Variants in PTPRD observed in about 807,000 individuals in gnomAD.
The protein encoded by PTPRD is receptor-type tyrosine-protein phosphatase delta.
A neutral mutation model predicts 214.5 loss-of-function variants in PTPRD; 34 were observed. The observed-to-expected ratio is 0.16, with a 90% CI of 0.12 to 0.21. PTPRD has a LOEUF of 0.21. Among genes scored for constraint, PTPRD ranks in the 10% least tolerant of loss-of-function variants. The pLI is 1.00. For synonymous variants in PTPRD, 1,128 were observed against 845.7 expected (o/e 1.33, Z -5.79); for missense variants, 2,545 against 2,398.7 (o/e 1.06, Z -1.27).
Position 9,567,670 on chromosome 9 carries a change from A to T in PTPRD, c.-237+7062T>A, listed in dbSNP as rs138248072. ...AGATACCACTGGTTGCCTAGCAAAG[A>T]ACCATTTCTCCTTTTCTGCTTCTTA... is the stretch of plus-strand genomic sequence containing the variant. On this transcript the variant is annotated intron_variant, in intron 8 of 45. Transcript: ENST00000381196. 2.5e-3 allele frequency among the ~76,000 whole-genome samples: 380 copies of T among 152,138 alleles called. 1 individual carries two copies. The highest frequency in any genetic ancestry group is 8.6e-3 in the African/African-American group (357 of 41,546).
intron 3 of PTPRD, among the ~76,000 whole-genome samples, chr9:10,307,591 G>C (rs2096123164): frequency 6.6e-6 from 1 of 151,966 alleles, no homozygotes; most frequent in African/African-American, 2.4e-5. Context: ...GCATCATATG[G>C]TAGTTCTATT....
At chr9:8,723,762 G>C (rs192271673) in intron 12 of PTPRD, among the ~76,000 whole-genome samples, 1 of 152,018 alleles carries the variant, frequency 6.6e-6, no homozygotes, top group East Asian at 1.9e-4. Flanking sequence ...TTAAGTATAT[G>C]TTTCTCTATA....
At chr9:8,402,365 A>G (rs2130335566) in intron 36 of PTPRD, among the ~76,000 whole-genome samples, 1 of 152,328 alleles carries the variant, frequency 6.6e-6, no homozygotes, top group Middle Eastern at 3.4e-3. Context: ...ACAAGGAGGT[A>G]TAGTTTTTAT....
chr9:9,717,352 A>G lies in PTPRD; in HGVS notation c.-287+17181T>C, dbSNP rs190412581. The stretch of plus-strand genomic sequence containing the variant: ...AATGCGGGCTCTTTTTTGGTTCCAT[A>G]TGAACTTTAAAGTAGTTTTTTCCAA... On this transcript the variant is annotated intron_variant, in intron 7 of 45. Coordinates refer to ENST00000381196, the MANE Select transcript of PTPRD (RefSeq NM_002839.4). 5.8e-4 allele frequency among the ~76,000 whole-genome samples: 88 copies of G among 152,276 alleles called. 1 individual carries two copies. Among genetic ancestry groups the G allele is most frequent in the African/African-American group, 2.0e-3 (83 of 41,556 alleles).
intron 14 of PTPRD, among the ~76,000 whole-genome samples, chr9:8,599,486 T>C (rs546272911): frequency 1.3e-5 from 2 of 152,310 alleles, no homozygotes; most frequent in South Asian, 4.1e-4. Context: ...GTAATGAATT[T>C]TTTTGATACT....
At chr9:8,481,971 C>T (rs1196292364) in intron 30 of PTPRD, among the ~76,000 whole-genome samples, 2 of 151,758 alleles carry the variant, frequency 1.3e-5, no homozygotes, top group Non-Finnish European at 2.9e-5. Flanking sequence ...TCAGTAGAGA[C>T]GGGGTTTTGC....
At chr9:10,487,116 C>G (rs1466112427) in intron 2 of PTPRD, among the ~76,000 whole-genome samples, 2 of 152,082 alleles carry the variant, frequency 1.3e-5, no homozygotes, top group Non-Finnish European at 1.5e-5. Context: ...ACGAGTATAG[C>G]TACTCTCACT....
chr9:8,418,837 T>C (rs10758971), intron 35 of PTPRD, among the ~76,000 whole-genome samples: 46,256 of 151,822 alleles, frequency 0.3, 7,425 homozygotes, highest in Non-Finnish European at 0.36. Flanking sequence ...GTTGTACAAC[T>C]TGAACAAGGC....
At chr9:9,366,545 G>A (rs1024504378) in intron 9 of PTPRD, among the ~76,000 whole-genome samples, 5 of 151,476 alleles carry the variant, frequency 3.3e-5, no homozygotes, top group African/African-American at 9.7e-5. Context: ...GAAAGCACTA[G>A]CTCCTAAACT....
At chr9:9,287,388 A>G (rs746850551) in intron 9 of PTPRD, among the ~76,000 whole-genome samples, 5 of 151,916 alleles carry the variant, frequency 3.3e-5, no homozygotes, top group Non-Finnish European at 7.4e-5. Flanking sequence ...AATCAGTACT[A>G]TAAAATTTTA....
chr9:8,808,711 T>C (rs1051714155), intron 11 of PTPRD, among the ~76,000 whole-genome samples: 2 of 152,070 alleles, frequency 1.3e-5, no homozygotes, highest in South Asian at 2.1e-4. Flanking sequence ...ACATGAAATG[T>C]ATATATGTTC....
At chr9:9,777,202 A>C (rs1041271223) in intron 5 of PTPRD, among the ~76,000 whole-genome samples, 9 of 152,282 alleles carry the variant, frequency 5.9e-5, no homozygotes, top group African/African-American at 2.2e-4. Context: ...AGTGATCAAA[A>C]TACATTTTTA....
chr9:8,722,511 T>C (rs1216695830), intron 12 of PTPRD, among the ~76,000 whole-genome samples: 2 of 151,456 alleles, frequency 1.3e-5, no homozygotes, highest in African/African-American at 4.9e-5. Flanking sequence ...TTTTTTTTTC[T>C]TAAATGGAAG....
intron 2 of PTPRD, among the ~76,000 whole-genome samples, chr9:10,418,597 G>A (rs1365068310): frequency 6.6e-6 from 1 of 151,102 alleles, no homozygotes; most frequent in Non-Finnish European, 1.5e-5. Flanking sequence ...TTTGGTTAAG[G>A]TTTCTCTTTC....
At chr9:9,980,366 G>C (rs1226364001) in intron 4 of PTPRD, among the ~76,000 whole-genome samples, 2 of 151,782 alleles carry the variant, frequency 1.3e-5, no homozygotes, top group Admixed American at 1.3e-4. Flanking sequence ...CCCAGGAATT[G>C]GGAGGCCGAG....
In PTPRD at chr9:9,772,854, G is replaced by T. The variant is rs60384790; in HGVS notation, c.-367-6003C>A. 5.5e-3 allele frequency among the ~76,000 whole-genome samples: 838 copies of T among 152,184 alleles called. 10 individuals carry two copies. Among genetic ancestry groups the T allele is most frequent in the African/African-American group, 0.019 (783 of 41,544 alleles). On this transcript the variant is annotated intron_variant, in intron 5 of 45. Coordinates refer to ENST00000381196, the MANE Select transcript of PTPRD (RefSeq NM_002839.4). ...AAAAATATTTGCTCCCTTTTACTCAGTTATTTCACTTCTAGGAATCTCTCA... is the reference window on the plus strand; with the variant it reads ...AAAAATATTTGCTCCCTTTTACTCATTTATTTCACTTCTAGGAATCTCTCA...
intron 14 of PTPRD, among the ~76,000 whole-genome samples, chr9:8,632,199 A>C (rs535944911): frequency 1.3e-5 from 2 of 151,262 alleles, no homozygotes; most frequent in Admixed American, 6.6e-5. Context: ...TTTGACCTAC[A>C]TTACTAATTA....
chr9:9,810,609 GAA>G (rs879878025), intron 5 of PTPRD, among the ~76,000 whole-genome samples: 2 of 132,386 alleles, frequency 1.5e-5, no homozygotes, highest in African/African-American at 2.8e-5. Context: ...TTGCTCAGAA[GAA>G]AAAAAAAAAA....
intron 44 of PTPRD, among the ~76,000 whole-genome samples, chr9:8,320,733 A>G (rs1382176898): frequency 1.3e-5 from 2 of 152,012 alleles, no homozygotes; most frequent in African/African-American, 2.4e-5. Flanking sequence ...ACCACATTAG[A>G]AAGGTTTTGA....
Sources: gnomAD v4.1 joint callset for allele counts (sites outside exome capture counted in the v4.1 genomes callset) on GRCh38, gnomAD v4.1.1 for gene constraint, MANE v1.5 for transcripts, NCBI Gene and HGNC (gene_info 2026-07-23, HGNC 2026-07-21) for gene names.